Variants in FGF13 observed in about 807,000 individuals in gnomAD.
FGF13 encodes fibroblast growth factor 13.
Under a neutral mutation model 19.5 loss-of-function variants are expected in FGF13, and 2 were observed. That is an observed-to-expected ratio of 0.10 (90% CI 0.04 to 0.32). The LOEUF is 0.32. Ranked by LOEUF, FGF13 falls within the 10% of genes least tolerant of loss-of-function variation. The pLI, the probability that FGF13 is intolerant of heterozygous loss-of-function variation, is 1.00. For synonymous variants in FGF13, 72 were observed against 76.9 expected, an observed-to-expected ratio of 0.94 and a Z score of 0.33; for missense variants, 113 against 192.7, an observed-to-expected ratio of 0.59 and a Z score of 2.45.
intron 3 of FGF13, among the ~76,000 whole-genome samples, chrX:138,773,907 T>G (rs2090567233): frequency 9.0e-6 from 1 of 111,096 alleles, no homozygotes; most frequent in Non-Finnish European, 1.9e-5. Context: ...CGAGAACAGG[T>G]TTTGCCTTCA....
chrX:138,762,342 C>A (rs1487740905), intron 3 of FGF13, among the ~76,000 whole-genome samples: 1 of 111,478 alleles, frequency 9.0e-6, no homozygotes, highest in Non-Finnish European at 1.9e-5. Context: ...ACTTACTGCC[C>A]TAGCATATAT....
intron 1 of FGF13, among the ~76,000 whole-genome samples, chrX:138,732,429 C>T (rs1219363002): frequency 9.0e-6 from 1 of 111,655 alleles, no homozygotes; most frequent in African/African-American, 3.3e-5. Context: ...TACTGATATA[C>T]ACAGAAAAAT....
At chrX:139,038,525 T>C (rs772807097) in intron 1 of FGF13, among the ~76,000 whole-genome samples, 1 of 111,716 alleles carries the variant, frequency 9.0e-6, no homozygotes, top group Non-Finnish European at 1.9e-5. Context: ...AAAGGATAGG[T>C]ATATTCTCTC....
chrX:139,056,650 A>G (rs1360447357), intron 1 of FGF13, among the ~76,000 whole-genome samples: 1 of 112,358 alleles, frequency 8.9e-6, no homozygotes, highest in Non-Finnish European at 1.9e-5. Context: ...TATGAGTAAT[A>G]ATGTGGGTGT....
At chrX:139,040,347 A>T (rs2092264879) in intron 1 of FGF13, among the ~76,000 whole-genome samples, 1 of 112,176 alleles carries the variant, frequency 8.9e-6, no homozygotes, top group Non-Finnish European at 1.9e-5. Context: ...GAGACTCACA[A>T]AATAAGGAAT....
intron 3 of FGF13, among the ~76,000 whole-genome samples, chrX:138,638,464 C>T (rs955254221): frequency 9.0e-6 from 1 of 111,669 alleles, no homozygotes; most frequent in African/African-American, 3.3e-5. Flanking sequence ...CCAATCAGAA[C>T]TGATTACACC....
At chrX:138,736,794 ACT>A (rs756516697) in intron 1 of FGF13, among the ~76,000 whole-genome samples, 1 of 109,720 alleles carries the variant, frequency 9.1e-6, no homozygotes, top group East Asian at 2.9e-4. Context: ...TGTTTGAGAA[ACT>A]CTAAGTCAAT....
chrX:139,069,823 A>G (rs1373676034), intron 1 of FGF13, among the ~76,000 whole-genome samples: 1 of 111,478 alleles, frequency 9.0e-6, no homozygotes, highest in East Asian at 2.8e-4. Flanking sequence ...CAGAAATAAC[A>G]ACACACATCT....
intron 3 of FGF13, among the ~76,000 whole-genome samples, chrX:138,752,152 C>A (rs746429602): frequency 2.7e-5 from 3 of 111,792 alleles, no homozygotes; most frequent in Non-Finnish European, 3.8e-5. Flanking sequence ...GACGGCCAGG[C>A]GCGGTGACTC....
At chrX:138,661,152 C>T (rs1404982074) in intron 3 of FGF13, among the ~76,000 whole-genome samples, 1 of 111,416 alleles carries the variant, frequency 9.0e-6, no homozygotes, top group Non-Finnish European at 1.9e-5. Flanking sequence ...AGTATATGTC[C>T]ATGGAATTTT....
Position 138,901,779 on chromosome X carries a change from A to T in FGF13, c.-112-37129T>A, listed in dbSNP as rs373933744. ...AATCTCAGAAAAAAATAAAACTGAG[A>T]GAGTTCATTGCTTATAAAAACTTCA... On this transcript the variant is annotated intron_variant, in intron 1 of 2. Coordinates refer to the FGF13 transcript ENST00000421460. Among the ~76,000 whole-genome samples the T allele has an allele frequency of 2.0e-4, 22 of 112,135 alleles. No individual in the cohort carries two copies. In the South Asian group the frequency reaches 7.5e-3, roughly 38 times the overall value.
At chrX:138,716,065 G>C (rs904443307), upstream of FGF13, 13 of 112,271 alleles carry the variant, frequency 1.2e-4, no homozygotes, top group Admixed American at 4.7e-4. Flanking sequence ...CTGTCTTTCT[G>C]AAATTCTGAA....
intron 1 of FGF13, among the ~76,000 whole-genome samples, chrX:139,067,467 C>T (rs187897483): frequency 2.1e-4 from 24 of 111,741 alleles, no homozygotes; most frequent in African/African-American, 7.8e-4. Context: ...GCAAAAATCA[C>T]AAACATTCCT....
chrX:138,842,876 GA>G (rs1333953106), intron 3 of FGF13, among the ~76,000 whole-genome samples: 1 of 111,329 alleles, frequency 9.0e-6, no homozygotes, highest in African/African-American at 3.3e-5. Context: ...ACTACTGACT[GA>G]AGGAAAAATA....
At chrX:139,067,622 C>T (rs1408146845) in intron 1 of FGF13, among the ~76,000 whole-genome samples, 3 of 111,465 alleles carry the variant, frequency 2.7e-5, no homozygotes, top group Admixed American at 9.5e-5. Flanking sequence ...CACTGCTCAA[C>T]GAAATAAAAG....
intron 3 of FGF13, among the ~76,000 whole-genome samples, chrX:138,777,323 C>A (rs1487293187): frequency 4.5e-5 from 5 of 111,463 alleles, no homozygotes; most frequent in Non-Finnish European, 7.5e-5. Context: ...GGGTATCCTG[C>A]CCCAACAAGC....
chrX:139,196,459 G>C (rs896805790), intron 1 of FGF13, among the ~76,000 whole-genome samples: 1 of 111,661 alleles, frequency 9.0e-6, no homozygotes, highest in Non-Finnish European at 1.9e-5. Context: ...CCCCGGCACA[G>C]CACCTGATAG....
intron 1 of FGF13, among the ~76,000 whole-genome samples, chrX:138,735,016 T>A (rs2090262415): frequency 8.9e-6 from 1 of 112,133 alleles, no homozygotes; most frequent in Non-Finnish European, 1.9e-5. Flanking sequence ...GCTTACAGAA[T>A]AACATCAAAC....
chrX:139,030,300 G>C (rs1374608213), intron 1 of FGF13, among the ~76,000 whole-genome samples: 1 of 111,361 alleles, frequency 9.0e-6, no homozygotes, highest in Non-Finnish European at 1.9e-5. Flanking sequence ...TTAACGACTT[G>C]AGTAAATGGC....
Sources: gnomAD v4.1 joint callset for allele counts (sites outside exome capture counted in the v4.1 genomes callset) on GRCh38, gnomAD v4.1.1 for gene constraint, MANE v1.5 for transcripts, NCBI Gene and HGNC (gene_info 2026-07-23, HGNC 2026-07-21) for gene names.